The following TMEM132D variants were observed in gnomAD, a reference collection of about 807,000 sequenced individuals.
TMEM132D encodes mature OL transmembrane protein.
In TMEM132D, 21 loss-of-function variants were observed where a neutral mutation model predicts 62.3. That is an observed-to-expected ratio of 0.34 (90% CI 0.24 to 0.49). The LOEUF (loss-of-function observed/expected upper bound fraction) is 0.49, where lower values mean the gene tolerates loss of function less well. TMEM132D is among the 20% of genes least tolerant of loss of function. The pLI is 0.99. For synonymous variants in TMEM132D, 621 were observed against 575.6 expected (o/e 1.08, Z -1.13); for missense variants, 1,346 against 1,402.8 (o/e 0.96, Z 0.65).
In TMEM132D at chr12:129,405,127, G is replaced by A. The variant is rs112116514; in HGVS notation, c.1116-67310C>T. On this transcript the variant is annotated intron_variant, in intron 3 of 8. Coordinates refer to ENST00000422113, the MANE Select transcript of TMEM132D (RefSeq NM_133448.3). ...TGCTATAACAAAATACCAGAGGCTCGGTGGCTTAAGCAACAGAAATTTGTT... is the reference window on the plus strand; with the variant it reads ...TGCTATAACAAAATACCAGAGGCTCAGTGGCTTAAGCAACAGAAATTTGTT... Among the ~76,000 whole-genome samples, 920 of 152,176 alleles carry A rather than the reference G, an allele frequency of 6.0e-3. 4 individuals are homozygous for A. Among genetic ancestry groups the A allele is most frequent in the Non-Finnish European group, 8.5e-3 (575 of 68,000 alleles).
intron 5 of TMEM132D, among the ~76,000 whole-genome samples, chr12:129,150,977 G>T (rs1302589444): frequency 6.6e-6 from 1 of 152,188 alleles, no homozygotes; most frequent in Non-Finnish European, 1.5e-5. Context: ...CCCCTGCCCT[G>T]AGTGGCTGCC....
intron 4 of TMEM132D, chr12:129,262,553 T>G (rs915427571): frequency 6.6e-6 from 1 of 152,244 alleles, no homozygotes; most frequent in Non-Finnish European, 1.5e-5. Context: ...AAAGGTGGGC[T>G]CATGGCTGTC....
At chr12:129,499,885 G>T (rs1351475596) in intron 3 of TMEM132D, among the ~76,000 whole-genome samples, 1 of 152,000 alleles carries the variant, frequency 6.6e-6, no homozygotes, top group African/African-American at 2.4e-5. Flanking sequence ...GAGCAGGGAG[G>T]CAATTCACCT....
intron 2 of TMEM132D, among the ~76,000 whole-genome samples, chr12:129,626,890 G>C (rs1421954428): frequency 6.6e-6 from 1 of 152,150 alleles, no homozygotes; most frequent in Non-Finnish European, 1.5e-5. Flanking sequence ...TGGCCCCAAA[G>C]TCCATCGACT....
rs190855639 is a variant in TMEM132D, at chr12:129,712,918, C to T, written c.80-12220G>A. The stretch of plus-strand genomic sequence containing the variant: ...AGAAGAGTGATAAGACAGAAAGGGG[C>T]TGCCAACCCAAGTGACCTTAGTGCC... On this transcript the variant is annotated intron_variant, in intron 1 of 8. Transcript: ENST00000422113. Among the ~76,000 whole-genome samples, 113 of 152,204 alleles carry T rather than the reference C, an allele frequency of 7.4e-4. 1 individual carries two copies. The highest frequency in any genetic ancestry group is 9.9e-4 in the Non-Finnish European group (67 of 68,020).
chr12:129,698,552 AGGG>A (rs1881267481), intron 2 of TMEM132D, among the ~76,000 whole-genome samples: 1 of 2,536 alleles, frequency 3.9e-4, no homozygotes, highest in African/African-American at 1.4e-3. Context: ...AGGGGAGGGG[AGGG>A]GAGAAGGGAG....
chr12:129,677,581 A>G (rs577127217), intron 2 of TMEM132D, among the ~76,000 whole-genome samples: 1 of 152,360 alleles, frequency 6.6e-6, no homozygotes, highest in East Asian at 1.9e-4. Flanking sequence ...AAAAATTTTG[A>G]CATGTATTAT....
intron 4 of TMEM132D, among the ~76,000 whole-genome samples, chr12:129,270,738 T>C (rs1880831451): frequency 6.6e-6 from 1 of 152,162 alleles, no homozygotes; most frequent in South Asian, 2.1e-4. Flanking sequence ...ACTTTTTTGT[T>C]TCTCTGTGCA....
intron 4 of TMEM132D, among the ~76,000 whole-genome samples, chr12:129,310,232 C>G (rs1327801527): frequency 6.6e-6 from 1 of 152,126 alleles, no homozygotes; most frequent in Admixed American, 6.5e-5. Flanking sequence ...TGGGAGGTGG[C>G]AGGAACCAGG....
At chr12:129,247,751 C>T (rs1880159225) in intron 4 of TMEM132D, among the ~76,000 whole-genome samples, 1 of 152,180 alleles carries the variant, frequency 6.6e-6, no homozygotes, top group Admixed American at 6.5e-5. Flanking sequence ...ATCTGAAGTC[C>T]AGGTGAGGAG....
At chr12:129,507,408 C>T (rs1359682471) in intron 3 of TMEM132D, among the ~76,000 whole-genome samples, 1 of 152,118 alleles carries the variant, frequency 6.6e-6, no homozygotes, top group African/African-American at 2.4e-5. Context: ...GATACTTGCA[C>T]GTGCATGTTT....
intron 4 of TMEM132D, among the ~76,000 whole-genome samples, chr12:129,315,245 A>G (rs545256290): frequency 2.0e-5 from 3 of 152,244 alleles, no homozygotes; most frequent in African/African-American, 7.2e-5. Flanking sequence ...AATGCTTTCA[A>G]CTTTTCCCCA....
intron 1 of TMEM132D, among the ~76,000 whole-genome samples, chr12:129,844,889 G>C (rs1873312957): frequency 6.6e-6 from 1 of 152,126 alleles, no homozygotes; most frequent in South Asian, 2.1e-4. Flanking sequence ...TTGAAGGAAG[G>C]ATAGAGTCAC....
At chr12:129,208,593 G>A (rs1593296622) in intron 5 of TMEM132D, 1 of 152,204 alleles carries the variant, frequency 6.6e-6, no homozygotes. Flanking sequence ...GAGCAGAGTG[G>A]TTACACCAAT....
chr12:129,859,606 G>A (rs555502170), intron 1 of TMEM132D, among the ~76,000 whole-genome samples: 1 of 152,270 alleles, frequency 6.6e-6, no homozygotes, highest in South Asian at 2.1e-4. Context: ...CCCTCAGTGT[G>A]GGCGGGCACC....
At chr12:129,772,441 T>C (rs1302505958) in intron 1 of TMEM132D, among the ~76,000 whole-genome samples, 1 of 152,184 alleles carries the variant, frequency 6.6e-6, no homozygotes, top group African/African-American at 2.4e-5. Context: ...AAAAGTTGCA[T>C]ATTTTAAAGA....
At chr12:129,195,638 T>C (rs538471260) in intron 5 of TMEM132D, among the ~76,000 whole-genome samples, 15 of 152,262 alleles carry the variant, frequency 9.9e-5, no homozygotes, top group African/African-American at 3.6e-4. Context: ...AGTCCTGAAA[T>C]TAAGAACATA....
intron 3 of TMEM132D, among the ~76,000 whole-genome samples, chr12:129,372,486 A>G (rs1870641810): frequency 6.6e-6 from 1 of 152,144 alleles, no homozygotes; most frequent in Admixed American, 6.5e-5. Flanking sequence ...GTAGGAGGTG[A>G]GTAGTGGGCT....
At chr12:129,135,978 A>G (rs1420413649) in intron 5 of TMEM132D, among the ~76,000 whole-genome samples, 1 of 152,178 alleles carries the variant, frequency 6.6e-6, no homozygotes, top group Non-Finnish European at 1.5e-5. Flanking sequence ...CTATTCTCAA[A>G]TATGGTCACA....
Sources: allele counts gnomAD v4.1 joint callset (sites outside exome capture counted in the v4.1 genomes callset), GRCh38; gene constraint gnomAD v4.1.1; transcripts MANE v1.5; gene names NCBI Gene and HGNC (gene_info 2026-07-23, HGNC 2026-07-21).